Variants in CSRNP3 observed in about 807,000 individuals in gnomAD.
CSRNP3 encodes cysteine/serine-rich nuclear protein 3.
A neutral mutation model predicts 48.0 loss-of-function variants in CSRNP3; 12 were observed. That is an observed-to-expected ratio of 0.25 (90% CI 0.16 to 0.41). The LOEUF is 0.41. Ranked by LOEUF, CSRNP3 falls within the 10% of genes least tolerant of loss-of-function variation. The pLI, the probability that CSRNP3 is intolerant of heterozygous loss-of-function variation, is 1.00. For synonymous variants in CSRNP3, 263 were observed against 269.7 expected (o/e 0.98, Z 0.24); for missense variants, 580 against 724.4 (o/e 0.80, Z 2.29).
At chr2:165,654,418 A>T in intron 4 of CSRNP3, among the ~76,000 whole-genome samples, 1 of 152,204 alleles carries the variant, frequency 6.6e-6, no homozygotes, top group East Asian at 1.9e-4. Context: ...ATTATGCACA[A>T]GTTGGAAAGC....
At chr2:165,573,058 T>G (rs1460834883) in intron 3 of CSRNP3, among the ~76,000 whole-genome samples, 1 of 152,062 alleles carries the variant, frequency 6.6e-6, no homozygotes, top group Non-Finnish European at 1.5e-5. Flanking sequence ...GAATATTTAA[T>G]TATTTGAATT....
chr2:165,495,147 A>G (rs1460492222), intron 2 of CSRNP3, among the ~76,000 whole-genome samples: 1 of 152,022 alleles, frequency 6.6e-6, no homozygotes, highest in African/African-American at 2.4e-5. Flanking sequence ...AATGAGTCCA[A>G]TCGGAGGTAA....
intron 4 of CSRNP3, among the ~76,000 whole-genome samples, chr2:165,611,154 G>T (rs1686129267): frequency 6.6e-6 from 1 of 152,170 alleles, no homozygotes; most frequent in African/African-American, 2.4e-5. Context: ...CATTTGACTA[G>T]ATTGAAAATG....
intron 4 of CSRNP3, among the ~76,000 whole-genome samples, chr2:165,610,800 CAT>C (rs1686123481): frequency 6.6e-6 from 1 of 152,194 alleles, no homozygotes; most frequent in African/African-American, 2.4e-5. Flanking sequence ...TCAATGGATT[CAT>C]CAGCATCAAC....
chr2:165,623,363 C>T (rs1356555505), intron 4 of CSRNP3, among the ~76,000 whole-genome samples: 4 of 152,200 alleles, frequency 2.6e-5, no homozygotes, highest in South Asian at 4.2e-4. Context: ...TATTGTGAAC[C>T]GCTCATGCAT....
At chr2:165,590,851 A>G (rs1685705194) in intron 3 of CSRNP3, among the ~76,000 whole-genome samples, 1 of 152,158 alleles carries the variant, frequency 6.6e-6, no homozygotes, top group Non-Finnish European at 1.5e-5. Context: ...TCCTAGTCTC[A>G]GGTATTTCTT....
intron 3 of CSRNP3, among the ~76,000 whole-genome samples, chr2:165,518,610 T>G (rs1684610593): frequency 6.6e-6 from 1 of 152,040 alleles, no homozygotes; most frequent in Admixed American, 6.5e-5. Context: ...TTAGAAGTTA[T>G]AAATGTAGGT....
chr2:165,600,580 T>A (rs1685897627), intron 4 of CSRNP3, among the ~76,000 whole-genome samples: 1 of 152,200 alleles, frequency 6.6e-6, no homozygotes, highest in Non-Finnish European at 1.5e-5. Context: ...TTTCTCCACA[T>A]CCTCTCCAGC....
At chr2:165,590,586 A>G (rs577192710) in intron 3 of CSRNP3, among the ~76,000 whole-genome samples, 1 of 152,308 alleles carries the variant, frequency 6.6e-6, no homozygotes, top group South Asian at 2.1e-4. Flanking sequence ...CCCACATGTC[A>G]TGGGATGGAC....
chr2:165,559,193 A>T (rs1685198965), intron 3 of CSRNP3, among the ~76,000 whole-genome samples: 1 of 152,196 alleles, frequency 6.6e-6, no homozygotes, highest in Non-Finnish European at 1.5e-5. Context: ...TTTTCATTAT[A>T]TTCAAAATTT....
At position 165,676,509 on chromosome 2, in the gene CSRNP3, C is replaced by G; in HGVS notation, c.606C>G (p.Leu202=). 1.2e-6 allele frequency: 2 copies of G among 1,614,142 alleles called. No homozygotes were observed. Among genetic ancestry groups the G allele is most frequent in the Non-Finnish European group, 1.7e-6 (2 of 1,180,010 alleles). Residue 202 remains leucine, a synonymous_variant, in exon 6 of 7, where the codon CTC becomes CTG. Transcript: ENST00000651982. The part of the protein sequence containing the change: ...KKIDVEEKHE[L]RAIRLSREDC... ...TTGACGTGGAAGAAAAGCACGAACT[C>G]CGAGCCATCCGCCTCTCACGAGAGG...
rs1395330667 is a variant in CSRNP3, at chr2:165,545,374, G to C, written c.-24+27413G>C. ...TGCCTAGGTTGAGAATAATCCAGTA[G>C]AGAGTGAAAAATTAATGATGCAGGA... On this transcript the variant is annotated intron_variant, in intron 3 of 6. Transcript: ENST00000651982. 2.6e-5 allele frequency among the ~76,000 whole-genome samples: 4 copies of C among 152,246 alleles called. No homozygotes were observed. In the East Asian group the frequency reaches 7.7e-4, roughly 29 times the overall value.
intron 3 of CSRNP3, among the ~76,000 whole-genome samples, chr2:165,547,252 A>G (rs1000066482): frequency 1.3e-5 from 2 of 152,198 alleles, no homozygotes; most frequent in African/African-American, 4.8e-5. Context: ...TCAAATTTTC[A>G]ATATCACAAA....
At chr2:165,670,661 A>G (rs998764352) in intron 5 of CSRNP3, among the ~76,000 whole-genome samples, 1 of 152,196 alleles carries the variant, frequency 6.6e-6, no homozygotes, top group Non-Finnish European at 1.5e-5. Context: ...AAATGAACTA[A>G]TGCAGGTAAA....
chr2:165,589,197 C>T (rs538734831), intron 3 of CSRNP3, among the ~76,000 whole-genome samples: 1 of 152,196 alleles, frequency 6.6e-6, no homozygotes, highest in African/African-American at 2.4e-5. Context: ...ATCGGGTATA[C>T]AACACTTTAT....
intron 4 of CSRNP3, among the ~76,000 whole-genome samples, chr2:165,607,075 T>C (rs984103886): frequency 2.6e-5 from 4 of 152,164 alleles, no homozygotes; most frequent in Non-Finnish European, 2.9e-5. Context: ...TAGTTTATAG[T>C]TTTTAAATAT....
At chr2:165,554,004 C>T (rs1213515244) in intron 3 of CSRNP3, among the ~76,000 whole-genome samples, 5 of 152,192 alleles carry the variant, frequency 3.3e-5, no homozygotes, top group African/African-American at 1.2e-4. Context: ...GTCTTTACAA[C>T]TTCATCAAAA....
intron 4 of CSRNP3, among the ~76,000 whole-genome samples, chr2:165,620,852 G>T (rs925046831): frequency 6.6e-6 from 1 of 151,924 alleles, no homozygotes; most frequent in Non-Finnish European, 1.5e-5. Context: ...TGTCAATGTT[G>T]CCCATGGATT....
intron 1 of CSRNP3, among the ~76,000 whole-genome samples, chr2:165,476,169 A>G (rs1334982007): frequency 1.3e-5 from 2 of 152,180 alleles, no homozygotes; most frequent in Non-Finnish European, 2.9e-5. Flanking sequence ...TAAAGTTAAA[A>G]TTGTTTGGCA....
Sources: allele counts gnomAD v4.1 joint callset (sites outside exome capture counted in the v4.1 genomes callset), GRCh38; gene constraint gnomAD v4.1.1; transcripts MANE v1.5; gene names NCBI Gene and HGNC (gene_info 2026-07-23, HGNC 2026-07-21).